MOB3B: variants seen among roughly 807,000 people sequenced by gnomAD.
The protein encoded by MOB3B is MOB kinase activator 3B.
Under a neutral mutation model 18.7 loss-of-function variants are expected in MOB3B, and 7 were observed. The observed-to-expected ratio is 0.37, with a 90% confidence interval of 0.21 to 0.70. The LOEUF (loss-of-function observed/expected upper bound fraction) is 0.70, where lower values mean the gene tolerates loss of function less well. Among genes scored for constraint, MOB3B ranks in the 30% least tolerant of loss-of-function variants. The pLI, the probability that MOB3B is intolerant of heterozygous loss-of-function variation, is 0.52. For synonymous variants in MOB3B, 111 were observed against 99.9 expected (o/e 1.11, Z -0.66); for missense variants, 253 against 281.3 (o/e 0.90, Z 0.72).
intron 1 of MOB3B, among the ~76,000 whole-genome samples, chr9:27,496,869 TACATGTTCCCCAGCAG>T (rs797016610): frequency 9.2e-5 from 14 of 152,304 alleles, no homozygotes; most frequent in Admixed American, 3.3e-4. Flanking sequence ...CCAAAGCAAA[TACATGTTCCCCAGCAG>T]ACATTTATGT....
chr9:27,453,874 A>T (rs1822830737), intron 2 of MOB3B, among the ~76,000 whole-genome samples: 1 of 152,146 alleles, frequency 6.6e-6, no homozygotes, highest in African/African-American at 2.4e-5. Flanking sequence ...AACCTAAGAA[A>T]TTTCCACCAC....
chr9:27,338,689 C>T (rs943155849), intron 3 of MOB3B, among the ~76,000 whole-genome samples: 14 of 152,338 alleles, frequency 9.2e-5, no homozygotes, highest in South Asian at 2.1e-4. Flanking sequence ...TGCCTGGCCT[C>T]GGGCACAGGG....
chr9:27,519,005 T>C (rs1274581260), intron 1 of MOB3B, among the ~76,000 whole-genome samples: 1 of 152,142 alleles, frequency 6.6e-6, no homozygotes, highest in African/African-American at 2.4e-5. Flanking sequence ...GGTACGAAAG[T>C]GCTCATGATC....
intron 2 of MOB3B, among the ~76,000 whole-genome samples, chr9:27,430,655 G>A (rs143052800): frequency 6.6e-6 from 1 of 152,136 alleles, no homozygotes; most frequent in African/African-American, 2.4e-5. Flanking sequence ...TTAAAGCCAA[G>A]GTAAAAGAAG....
intron 2 of MOB3B, among the ~76,000 whole-genome samples, chr9:27,446,609 C>T (rs1043951819): frequency 6.6e-6 from 1 of 152,160 alleles, no homozygotes; most frequent in African/African-American, 2.4e-5. Flanking sequence ...TCTTTCTAAC[C>T]TTGATTTACC....
At chr9:27,415,014 AC>A (rs1232302083) in intron 2 of MOB3B, among the ~76,000 whole-genome samples, 1 of 152,018 alleles carries the variant, frequency 6.6e-6, no homozygotes, top group Non-Finnish European at 1.5e-5. Flanking sequence ...GGTGTGCACC[AC>A]CATGCCTGGC....
chr9:27,495,780 G>A (rs1447478169), intron 1 of MOB3B, among the ~76,000 whole-genome samples: 1 of 152,156 alleles, frequency 6.6e-6, no homozygotes, highest in Non-Finnish European at 1.5e-5. Context: ...GTGCTTTATT[G>A]TTTGATATCC....
At chr9:27,415,880 A>G (rs1220423600) in intron 2 of MOB3B, among the ~76,000 whole-genome samples, 2 of 152,308 alleles carry the variant, frequency 1.3e-5, no homozygotes, top group African/African-American at 4.8e-5. Context: ...GGATTTTATC[A>G]CTCATATAGA....
At chr9:27,471,474 A>C (rs1819470207) in intron 1 of MOB3B, among the ~76,000 whole-genome samples, 1 of 152,174 alleles carries the variant, frequency 6.6e-6, no homozygotes, top group Non-Finnish European at 1.5e-5. Context: ...TGTGTTGTAT[A>C]GACTGGTCGT....
intron 1 of MOB3B, among the ~76,000 whole-genome samples, chr9:27,521,909 T>G (rs1417787592): frequency 6.6e-6 from 1 of 152,124 alleles, no homozygotes; most frequent in African/African-American, 2.4e-5. Flanking sequence ...TTTTCCTTTT[T>G]TAATGTATCT....
chr9:27,354,050 C>A (rs1335300678), intron 3 of MOB3B, among the ~76,000 whole-genome samples: 2 of 152,254 alleles, frequency 1.3e-5, no homozygotes, highest in African/African-American at 2.4e-5. Context: ...CAGGCTCCCC[C>A]TCCCTGCTGG....
At position 27,329,794 on chromosome 9, in the gene MOB3B, T is replaced by C. The variant is rs1984008; in HGVS notation, c.*793A>G. 38,132 of 152,542 alleles carry C rather than the reference T, an allele frequency of 0.25. 5,118 individuals are homozygous for C. The highest frequency in any genetic ancestry group is 0.43 in the East Asian group (2,224 of 5,182). 9.4% of individuals were successfully genotyped at this position (152,542 alleles called of 1,614,324 possible). ...GGAAACAGGAAAGAATATCTTCCACTGAAGAGACAAGGAATGATGGTGGTT... is the reference window on the plus strand; with the variant it reads ...GGAAACAGGAAAGAATATCTTCCACCGAAGAGACAAGGAATGATGGTGGTT... On this transcript the variant is annotated 3_prime_UTR_variant, in exon 4 of 4. Transcript: ENST00000262244.
rs144826772 is a variant in MOB3B, at chr9:27,449,098, C to G, written c.418+6035G>C. Among the ~76,000 whole-genome samples the G allele has an allele frequency of 7.9e-5, 12 of 152,270 alleles. No homozygotes were observed. In the East Asian group the frequency reaches 2.3e-3, roughly 29 times the overall value. The stretch of plus-strand genomic sequence containing the variant: ...AGAAGACACTTCCTAGTAGATGTCT[C>G]TCTAGAGTTAGATGCTCATCTGTGA... On this transcript the variant is annotated intron_variant, in intron 2 of 3. Coordinates refer to ENST00000262244, the MANE Select transcript of MOB3B (RefSeq NM_024761.5).
At position 27,378,642 on chromosome 9, in the gene MOB3B, C is replaced by T. The variant is rs187079579; in HGVS notation, c.419-19406G>A. 21 of 471,136 alleles carry T rather than the reference C, an allele frequency of 4.5e-5. 1 individual carries two copies. The East Asian group carries it at 5.6e-4, about 12-fold the overall frequency. The allele number at this position is 471,136 out of a possible 1,614,324, so 29.2% of individuals were successfully genotyped here. On this transcript the variant is annotated intron_variant, in intron 2 of 3. Coordinates refer to ENST00000262244, the MANE Select transcript of MOB3B (RefSeq NM_024761.5). ...TGGCTTTCTGGTCCATTCTCCCAGC[C>T]CTTGCCAGCCCTGATGACTCCCTGA...
At chr9:27,395,428 G>T (rs1222112139) in intron 2 of MOB3B, among the ~76,000 whole-genome samples, 1 of 151,780 alleles carries the variant, frequency 6.6e-6, no homozygotes, top group East Asian at 1.9e-4. Context: ...ATTTTTATTT[G>T]CCAATTAAAT....
At chr9:27,367,335 T>C (rs1438246488) in intron 2 of MOB3B, among the ~76,000 whole-genome samples, 1 of 152,242 alleles carries the variant, frequency 6.6e-6, no homozygotes, top group African/African-American at 2.4e-5. Flanking sequence ...TCCTTTCATC[T>C]CATGCAAATA....
At chr9:27,528,024 C>T (rs542738436) in intron 1 of MOB3B, among the ~76,000 whole-genome samples, 9 of 152,358 alleles carry the variant, frequency 5.9e-5, no homozygotes, top group Admixed American at 4.6e-4. Flanking sequence ...CTAGCCGTAT[C>T]TGTGTTGCGT....
chr9:27,487,651 C>T (rs761291269), intron 1 of MOB3B, among the ~76,000 whole-genome samples: 7 of 152,036 alleles, frequency 4.6e-5, no homozygotes, highest in Non-Finnish European at 7.3e-5. Context: ...GATCTAGTAG[C>T]TTTCTATTCT....
At chr9:27,464,542 A>G (rs1439570325) in intron 1 of MOB3B, among the ~76,000 whole-genome samples, 3 of 152,188 alleles carry the variant, frequency 2.0e-5, no homozygotes, top group African/African-American at 7.2e-5. Flanking sequence ...TAAATACTCT[A>G]CATTTAACAC....
Sources: allele counts gnomAD v4.1 joint callset (sites outside exome capture counted in the v4.1 genomes callset), GRCh38; gene constraint gnomAD v4.1.1; transcripts MANE v1.5; gene names NCBI Gene and HGNC (gene_info 2026-07-23, HGNC 2026-07-21).